Variants in CAD observed in about 807,000 individuals in gnomAD.
CAD encodes the protein carbamoyl-phosphate synthetase 2, aspartate transcarbamylase, and dihydroorotase.
A neutral mutation model predicts 237.2 loss-of-function variants in CAD; 81 were observed. The ratio of observed to expected loss-of-function variants is 0.34; its 90% CI spans 0.29 to 0.41. CAD has a LOEUF of 0.41. CAD is among the 10% of genes least tolerant of loss of function. CAD has a pLI of 1.00. For synonymous variants in CAD, 1,196 were observed against 1,162.8 expected, an observed-to-expected ratio of 1.03 and a Z score of -0.58; for missense variants, 2,181 against 2,951.7, an observed-to-expected ratio of 0.74 and a Z score of 6.05.
rs1675286550 is a variant in CAD at position 27,223,556 on chromosome 2, C to T, written c.810-7C>T. The T allele has an allele frequency of 6.2e-7, 1 of 1,611,726 alleles. No homozygotes were observed. The highest frequency in any genetic ancestry group is 8.5e-7 in the Non-Finnish European group (1 of 1,179,644). The stretch of plus-strand genomic sequence containing the variant: ...GGGCCTGTGACTCGGCATGCTTCTA[C>T]CTCCAGATATGGGAACCGAGGCCAT... On this transcript the variant is annotated splice_region_variant and splice_polypyrimidine_tract_variant and intron_variant, in intron 6 of 43. Transcript: ENST00000264705.
At chr2:27,226,682 A>C in intron 14 of CAD, 33 bp downstream of exon 14, 2 of 1,612,994 alleles carry the variant, frequency 1.2e-6, no homozygotes, top group South Asian at 2.2e-5. Flanking sequence ...ACAGTGGGGA[A>C]GTGGGTCGGG....
chr2:27,233,668 G>A lies in CAD; in HGVS notation c.3259G>A (p.Val1087Met), dbSNP rs908444410. Residue 1087 changes from valine (V) to methionine (M), a missense_variant, in exon 21 of 44, where the codon GTG becomes ATG. Around this residue, in one of 12 missense-constraint regions of CAD, gnomAD observed 306 missense variants for 607.9 expected, o/e 0.50. Coordinates refer to ENST00000264705, the MANE Select transcript of CAD (RefSeq NM_004341.5). This position sits in a 1 kb window ranked among gnomAD's most constrained non-coding sequence, Gnocchi z 6.3. Reference protein sequence around the residue: ...FCQTVGYPCVVRPSYVLSGAA... With the variant: ...FCQTVGYPCVMRPSYVLSGAA... ...CCAGACCGTGGGGTACCCCTGTGTG[G>A]TGCGCCCCTCCTATGTGCTGAGCGG... 3 of 1,614,186 alleles carry A rather than the reference G, an allele frequency of 1.9e-6. No homozygotes were observed. Among genetic ancestry groups the A allele is most frequent in the Non-Finnish European group, 2.5e-6 (3 of 1,180,048 alleles).
chr2:27,229,858 CAGTG>C (rs1675640722), intron 15 of CAD, among the ~76,000 whole-genome samples: 1 of 127,748 alleles, frequency 7.8e-6, no homozygotes, highest in African/African-American at 3.1e-5. Context: ...CTGGGCAACA[CAGTG>C]AGACTACGTC....
At chr2:27,220,529 G>A (rs1442074755) in intron 2 of CAD, among the ~76,000 whole-genome samples, 1 of 151,712 alleles carries the variant, frequency 6.6e-6, no homozygotes, top group African/African-American at 2.4e-5. Context: ...CCACACCTGT[G>A]GTCCCAACTA....
rs1265995292 is a variant in CAD, at chr2:27,233,758, G to A, written c.3349G>A (p.Val1117Ile). The A allele has an allele frequency of 2.5e-6, 4 of 1,614,134 alleles. No individual in the cohort carries two copies. Among genetic ancestry groups the A allele is most frequent in the Non-Finnish European group, 2.5e-6 (3 of 1,180,042 alleles). The change falls in exon 21 of 44, where the codon GTC (valine) becomes ATC (isoleucine). Residue 1117 changes from valine to isoleucine, a missense_variant. Around this residue, in one of 12 missense-constraint regions of CAD, gnomAD observed 306 missense variants for 607.9 expected, o/e 0.50. Coordinates refer to ENST00000264705, the MANE Select transcript of CAD (RefSeq NM_004341.5). The surrounding 1 kb of genome is among the most constrained non-coding windows in gnomAD (Gnocchi z 6.3). ...LERFLSSAAA[V>I]SKEHPVVISK... ...GCGCTTCCTGAGCAGCGCAGCAGCC[G>A]TCTCCAAAGAGCATCCCGTGGTCAT...
At chr2:27,218,130 T>C (rs2148051672) in intron 2 of CAD, 114 bp downstream of exon 2, 1 of 890,732 alleles carries the variant, frequency 1.1e-6, no homozygotes, top group Non-Finnish European at 1.7e-6. Flanking sequence ...ACATACCCAC[T>C]GAAGTAGTAA....
chr2:27,225,991 C>G, intron 12 of CAD, 65 bp downstream of exon 12: 1 of 1,544,764 alleles, frequency 6.5e-7, no homozygotes, highest in Non-Finnish European at 8.9e-7. Flanking sequence ...GAGCAGAGGC[C>G]CAGGCCAAGG....
At position 27,240,187 on chromosome 2, in the gene CAD, C is replaced by A; in HGVS notation, c.5497-78C>A. On this transcript the variant is annotated intron_variant, in intron 34 of 43. Transcript: ENST00000264705. This position sits in a 1 kb window ranked among gnomAD's most constrained non-coding sequence, Gnocchi z 4.6. ...ACCCAGAAGGTCACGCCACTGCACT[C>A]CAGCCTGAGCGACAGAACGAGACTC... The A allele has an allele frequency of 7.9e-7, 1 of 1,264,200 alleles. No individual in the cohort carries two copies. The highest frequency in any genetic ancestry group is 1.1e-6 in the Non-Finnish European group (1 of 880,076). 78.3% of individuals were successfully genotyped at this position (1,264,200 alleles called of 1,614,324 possible). A position where few individuals can be genotyped will look rare whatever the true frequency, so the allele number is the denominator to read the frequency against.
intron 15 of CAD, among the ~76,000 whole-genome samples, chr2:27,230,088 ATTAC>A (rs559805303): frequency 7.1e-4 from 107 of 150,446 alleles, no homozygotes; most frequent in Non-Finnish European, 1.2e-3. Flanking sequence ...AAATACAAAA[ATTAC>A]CCAGGCATGG....
rs7573037 is a variant in CAD, at chr2:27,240,483, C to T, written c.5593+122C>T. The T allele has an allele frequency of 0.049, 73,229 of 1,482,588 alleles. 2,113 individuals are homozygous for T. Among genetic ancestry groups the T allele is most frequent in the African/African-American group, 0.1 (7,524 of 71,874 alleles). 91.8% of individuals were successfully genotyped at this position (1,482,588 alleles called of 1,614,324 possible). On this transcript the variant is annotated intron_variant, in intron 35 of 43. Coordinates refer to ENST00000264705, the MANE Select transcript of CAD (RefSeq NM_004341.5). The surrounding 1 kb of genome is among the most constrained non-coding windows in gnomAD (Gnocchi z 4.6). ...ATCCCTTTATCCTCGTCTGATCTGC[C>T]GTGCCATCCTTTGCCTAAACAAGTC...
chr2:27,224,480 C>T lies in CAD; in HGVS notation c.1244C>T (p.Ser415Leu), dbSNP rs762742646. The part of the protein sequence containing the change: ...SIGQAGEFDY[S>L]GSQAIKALKE... Reference sequence around the variant, plus strand: ...GGCCAAGCTGGAGAATTTGACTACTCGGGCTCTCAGGTGAGGCATGTTCCT... The same window carrying T: ...GGCCAAGCTGGAGAATTTGACTACTTGGGCTCTCAGGTGAGGCATGTTCCT... Residue 415 changes from serine to leucine, a missense_variant, in exon 9 of 44, where the codon TCG becomes TTG. By Grantham distance (145) the Ser-to-Leu change is moderately radical. This residue lies in a region of CAD where 5 missense variants were observed against 24.1 expected (regional missense o/e 0.21). Transcript: ENST00000264705. The T allele has an allele frequency of 6.2e-7, 1 of 1,613,952 alleles. No individual in the cohort carries two copies. The highest frequency in any genetic ancestry group is 8.5e-7 in the Non-Finnish European group (1 of 1,179,988).
At position 27,217,396 on chromosome 2, in the gene CAD, C is replaced by G; in HGVS notation, c.-156C>G. On this transcript the variant is annotated 5_prime_UTR_variant, in exon 1 of 44. Transcript: ENST00000264705. Reference sequence around the variant, plus strand: ...TCTCTGCTGCTGCCGCCAAGCGCGCCCGAGGCTCCTACGCTGCCGCGCCCG... The same window carrying G: ...TCTCTGCTGCTGCCGCCAAGCGCGCGCGAGGCTCCTACGCTGCCGCGCCCG... The G allele has an allele frequency of 5.9e-6, 4 of 675,918 alleles. No individual in the cohort carries two copies. The highest frequency in any genetic ancestry group is 3.3e-5 in the South Asian group (2 of 60,070). 41.9% of individuals were successfully genotyped at this position (675,918 alleles called of 1,614,324 possible).
chr2:27,226,694 G>T (rs772301953), intron 14 of CAD, 45 bp downstream of exon 14: 1 of 1,611,008 alleles, frequency 6.2e-7, no homozygotes, highest in Non-Finnish European at 8.5e-7. Context: ...TGGGTCGGGG[G>T]CTGAGGAAAA....
Position 27,226,981 on chromosome 2 carries a change from G to GC in CAD, c.2287+20dup, listed in dbSNP as rs1174393070. 20 of 1,613,480 alleles carry GC rather than the reference G, an allele frequency of 1.2e-5. No individual in the cohort carries two copies. Among genetic ancestry groups the GC allele is most frequent in the Non-Finnish European group, 1.7e-5 (20 of 1,179,488 alleles). ...AGCGTTGGTGAGACTCATGCCCTGGGCACCCCCATGGGGCCCCACCATGAC... is the reference window on the plus strand; with the variant it reads ...AGCGTTGGTGAGACTCATGCCCTGGGCCACCCCCATGGGGCCCCACCATGAC... On this transcript the variant is annotated intron_variant, in intron 15 of 43. Coordinates refer to ENST00000264705, the MANE Select transcript of CAD (RefSeq NM_004341.5).
rs770687395 is a variant in CAD, at chr2:27,241,970, A to G, written c.5943A>G (p.Ala1981=). 21 of 1,613,702 alleles carry G rather than the reference A, an allele frequency of 1.3e-5. No homozygotes were observed. In the South Asian group the frequency reaches 1.9e-4, roughly 14 times the overall value. Residue 1981 remains alanine, a synonymous_variant, in exon 39 of 44, where the codon GCA becomes GCG. Transcript: ENST00000264705. This position sits in a 1 kb window ranked among gnomAD's most constrained non-coding sequence, Gnocchi z 4.6. ...EVSTRTSSSF[A]AAMARLGGAV... ...GCACACGGACCAGCAGCTCCTTTGC[A>G]GCAGCCATGGCCCGGCTGGGAGGTG... is the stretch of plus-strand genomic sequence containing the variant.
chr2:27,235,281 G>C lies in CAD; in HGVS notation c.3823G>C (p.Asp1275His). 1 of 1,613,250 alleles carries C rather than the reference G, an allele frequency of 6.2e-7. No homozygotes were observed. The highest frequency in any genetic ancestry group is 8.5e-7 in the Non-Finnish European group (1 of 1,179,670). ...CTCCTTCTCCCGCTTGGCGGGTGCT[G>C]ACGTGGTGTTGGGTGTGGAAATGAC... Reference protein sequence around the residue: ...QFSFSRLAGADVVLGVEMTST... With the variant: ...QFSFSRLAGAHVVLGVEMTST... Residue 1275 changes from aspartate (D) to histidine (H), a missense_variant, in exon 24 of 44, where the codon GAC becomes CAC. Asp to His is a moderately conservative substitution (Grantham distance 81). Transcript: ENST00000264705. The surrounding 1 kb of genome is among the most constrained non-coding windows in gnomAD (Gnocchi z 5.2).
At chr2:27,226,497 C>A in intron 13 of CAD, 28 bp from the exon 14 acceptor site, 2 of 1,612,770 alleles carry the variant, frequency 1.2e-6, no homozygotes, top group Non-Finnish European at 1.7e-6. Context: ...GTCTTCTAGG[C>A]CAGTGACTTT....
intron 5 of CAD, 89 bp from the exon 6 acceptor site, chr2:27,222,777 C>T: frequency 6.4e-7 from 1 of 1,572,928 alleles, no homozygotes; most frequent in Non-Finnish European, 8.7e-7. Context: ...GACATTGGGA[C>T]TTAACACTCT....
At chr2:27,228,401 A>G (rs1012335182) in intron 15 of CAD, among the ~76,000 whole-genome samples, 1 of 152,198 alleles carries the variant, frequency 6.6e-6, no homozygotes, top group African/African-American at 2.4e-5. Flanking sequence ...ATATCTGGAA[A>G]TTTATCCTAA....
Sources: allele counts gnomAD v4.1 joint callset (sites outside exome capture counted in the v4.1 genomes callset), GRCh38; gene constraint gnomAD v4.1.1; regional missense constraint gnomAD v4.1.1; non-coding constraint Gnocchi (gnomAD v3.1); transcripts MANE v1.5; gene names NCBI Gene and HGNC (gene_info 2026-07-23, HGNC 2026-07-21).